Variants in C17orf78 observed in about 807,000 individuals in gnomAD.
C17orf78 encodes chromosome 17 open reading frame 78.
C17orf78 carries 27 observed loss-of-function variants against 31.8 expected under a neutral mutation model. That is an observed-to-expected ratio of 0.85 (90% CI 0.63 to 1.17). The LOEUF is 1.17. Among genes scored for constraint, C17orf78 ranks in the 50% most tolerant of loss-of-function variants. C17orf78 has a pLI of 0.00. For missense variants in C17orf78, 258 were observed against 315.2 expected, an observed-to-expected ratio of 0.82 and a Z score of 1.37; for synonymous variants, 106 against 115.1, an observed-to-expected ratio of 0.92 and a Z score of 0.51.
At chr17:37,378,067 A>G in intron 2 of C17orf78, 102 bp downstream of exon 2, 1 of 1,100,860 alleles carries the variant, frequency 9.1e-7, no homozygotes, top group Non-Finnish European at 1.3e-6. Flanking sequence ...TATCTCAAAT[A>G]TCCTATTTTA....
In C17orf78 at chr17:37,391,958, C is replaced by T. The variant is rs2050903266; in HGVS notation, c.*234C>T. ...ACATCCATCTAAATGGATACCTTTCCATCCCCTCAAACGAGAACAAAAAGT... is the reference window on the plus strand; with the variant it reads ...ACATCCATCTAAATGGATACCTTTCTATCCCCTCAAACGAGAACAAAAAGT... On this transcript the variant is annotated 3_prime_UTR_variant, in exon 7 of 7. Coordinates refer to ENST00000615133, the MANE Select transcript of C17orf78 (RefSeq NM_173625.5). 1.8e-6 allele frequency: 1 copy of T among 541,430 alleles called. No homozygotes were observed. The highest frequency in any genetic ancestry group is 2.9e-5 in the East Asian group (1 of 34,960). The allele number at this position is 541,430 out of a possible 1,614,324, so 33.5% of individuals were successfully genotyped here.
Position 37,386,825 on chromosome 17 carries a change from C to CT in C17orf78, c.508+713dup, listed in dbSNP as rs112796389. 5.3e-3 allele frequency: 770 copies of CT among 144,598 alleles called. 6 individuals carry two copies. The highest frequency in any genetic ancestry group is 0.014 in the African/African-American group (574 of 39,758). 9.0% of individuals were successfully genotyped at this position (144,598 alleles called of 1,614,324 possible). The stretch of plus-strand genomic sequence containing the variant: ...ACACCAACCAAGTGCTTTTCTTTTT[C>CT]TTTTTTTTTTTTTGAGACAGGGTCT... On this transcript the variant is annotated intron_variant, in intron 4 of 6. Coordinates refer to ENST00000615133, the MANE Select transcript of C17orf78 (RefSeq NM_173625.5).
chr17:37,386,280 A>C (rs2050525687), intron 4 of C17orf78, among the ~76,000 whole-genome samples, 155 bp downstream of exon 4: 1 of 152,118 alleles, frequency 6.6e-6, no homozygotes, highest in Non-Finnish European at 1.5e-5. Context: ...AAATCATTCA[A>C]TTTTTTATTT....
At position 37,376,073 on chromosome 17, in the gene C17orf78, G is replaced by C; in HGVS notation, c.-20G>C. The C allele has an allele frequency of 6.2e-7, 1 of 1,605,150 alleles. No individual in the cohort carries two copies. The highest frequency in any genetic ancestry group is 8.5e-7 in the Non-Finnish European group (1 of 1,171,960). ...AGATGAGCAGTGGTCTGTCTGCAATGAGCATGTGCTCAAGCTAACATGGAT... is the reference window on the plus strand; with the variant it reads ...AGATGAGCAGTGGTCTGTCTGCAATCAGCATGTGCTCAAGCTAACATGGAT... On this transcript the variant is annotated 5_prime_UTR_variant, in exon 1 of 7. An upstream start codon of the reference 5' UTR is lost. Coordinates refer to ENST00000615133, the MANE Select transcript of C17orf78 (RefSeq NM_173625.5).
At position 37,379,314 on chromosome 17, in the gene C17orf78, C is replaced by G. The variant is rs1317211074; in HGVS notation, c.323C>G (p.Ser108Cys). The G allele has an allele frequency of 6.2e-7, 1 of 1,613,974 alleles. No homozygotes were observed. The highest frequency in any genetic ancestry group is 8.5e-7 in the Non-Finnish European group (1 of 1,179,854). ...RIIAAPRRNS[S>C]ASSSCHLIPT... ...ATTGCTGCTCCCCGCAGAAACAGCT[C>G]TGCCTCCTCAAGCTGTCACCTAATC... The change falls in exon 3 of 7, where the codon TCT (serine) becomes TGT (cysteine). Residue 108 changes from serine (S) to cysteine (C), a missense_variant. Physicochemically the swap from Ser to Cys is moderately radical, Grantham distance 112. Transcript: ENST00000615133.
Position 37,391,868 on chromosome 17 carries a change from T to C in C17orf78, c.*144T>C, listed in dbSNP as rs2050899259. On this transcript the variant is annotated 3_prime_UTR_variant, in exon 7 of 7. Coordinates refer to ENST00000615133, the MANE Select transcript of C17orf78 (RefSeq NM_173625.5). The stretch of plus-strand genomic sequence containing the variant: ...CAATTCCTGGTTAATGAAGGGAGAG[T>C]GTGGGCTTAGCAGAGTTACCCTCAT... 3.8e-6 allele frequency: 3 copies of C among 780,656 alleles called. No homozygotes were observed. Among genetic ancestry groups the C allele is most frequent in the South Asian group, 1.6e-5 (1 of 62,332 alleles). 48.4% of individuals were successfully genotyped at this position (780,656 alleles called of 1,614,324 possible).
chr17:37,384,741 C>T (rs1255854561), intron 3 of C17orf78, among the ~76,000 whole-genome samples: 1 of 152,168 alleles, frequency 6.6e-6, no homozygotes, highest in Non-Finnish European at 1.5e-5. Flanking sequence ...CTGCCAATGT[C>T]TGCCAACACT....
chr17:37,376,083 T>G lies in C17orf78; in HGVS notation c.-10T>G, dbSNP rs1568072398. The G allele has an allele frequency of 3.7e-6, 6 of 1,610,348 alleles. No homozygotes were observed. Among genetic ancestry groups the G allele is most frequent in the Non-Finnish European group, 5.1e-6 (6 of 1,176,602 alleles). The stretch of plus-strand genomic sequence containing the variant: ...TGGTCTGTCTGCAATGAGCATGTGC[T>G]CAAGCTAACATGGATACCATCTTGG... On this transcript the variant is annotated 5_prime_UTR_variant, in exon 1 of 7. Coordinates refer to ENST00000615133, the MANE Select transcript of C17orf78 (RefSeq NM_173625.5).
Position 37,391,836 on chromosome 17 carries a change from C to A in C17orf78, c.*112C>A. 2 of 972,054 alleles carry A rather than the reference C, an allele frequency of 2.1e-6. No homozygotes were observed. The highest frequency in any genetic ancestry group is 3.2e-6 in the Non-Finnish European group (2 of 618,302). 60.2% of individuals were successfully genotyped at this position (972,054 alleles called of 1,614,324 possible). The stretch of plus-strand genomic sequence containing the variant: ...GTATCTTCAGCAGGGACATTACAAT[C>A]AAACACCAATTCCTGGTTAATGAAG... On this transcript the variant is annotated 3_prime_UTR_variant, in exon 7 of 7. Transcript: ENST00000615133.
At chr17:37,378,089 C>A in intron 2 of C17orf78, 124 bp downstream of exon 2, 1 of 865,140 alleles carries the variant, frequency 1.2e-6, no homozygotes, top group Non-Finnish European at 1.8e-6. Flanking sequence ...GGATATGTAT[C>A]CTCCCAGGGG....
At chr17:37,391,600 T>C (rs2050888631) in intron 6 of C17orf78, 47 bp from the exon 7 acceptor site, 2 of 1,551,682 alleles carry the variant, frequency 1.3e-6, no homozygotes, top group Non-Finnish European at 1.8e-6. Flanking sequence ...TGAAGAACTA[T>C]ACACTTGCAT....
At chr17:37,385,788 T>C (rs1487304630) in intron 3 of C17orf78, among the ~76,000 whole-genome samples, 2 of 152,160 alleles carry the variant, frequency 1.3e-5, no homozygotes, top group Non-Finnish European at 2.9e-5. Context: ...CCTATGTTAG[T>C]TAAAAGTCCC....
rs1201042342 is a variant in C17orf78 at position 37,392,656 on chromosome 17, C to A, written c.*932C>A. 6 of 151,370 alleles carry A rather than the reference C, an allele frequency of 4.0e-5. No individual in the cohort carries two copies. Among genetic ancestry groups the A allele is most frequent in the African/African-American group, 1.5e-4 (6 of 41,010 alleles). The allele number at this position is 151,370 out of a possible 1,614,324, so 9.4% of individuals were successfully genotyped here. On this transcript the variant is annotated 3_prime_UTR_variant, in exon 7 of 7. Coordinates refer to ENST00000615133, the MANE Select transcript of C17orf78 (RefSeq NM_173625.5). ...TCTAAGAAATTCTGTTTTCTTAGTT[C>A]TCTGGTTAAAAAAAAAAATACATAA...
intron 1 of C17orf78, among the ~76,000 whole-genome samples, chr17:37,377,663 A>AATC (rs2050062909): frequency 3.0e-5 from 1 of 32,904 alleles, no homozygotes; most frequent in African/African-American, 1.6e-4. Flanking sequence ...CCGTCTCAAT[A>AATC]AATAAATAAA....
Position 37,386,048 on chromosome 17 carries a change from C to T in C17orf78, c.431C>T (p.Ala144Val). 1.9e-6 allele frequency: 3 copies of T among 1,605,112 alleles called. No homozygotes were observed. The highest frequency in any genetic ancestry group is 1.1e-5 in the South Asian group (1 of 90,012). ...ATCTCACAATGTAAAGTCCTGGGGG[C>T]TTCATCAGAGACTTTTCCCACCACT... Reference protein sequence around the residue: ...PGISQCKVLGASSETFPTTAP... With the variant: ...PGISQCKVLGVSSETFPTTAP... The change falls in exon 4 of 7, where the codon GCT becomes GTT. Residue 144 changes from alanine to valine, a missense_variant. By Grantham distance (64) the Ala-to-Val change is moderately conservative. Coordinates refer to ENST00000615133, the MANE Select transcript of C17orf78 (RefSeq NM_173625.5).
chr17:37,388,980 T>A (rs770354299), intron 5 of C17orf78, among the ~76,000 whole-genome samples, 186 bp downstream of exon 5: 20 of 152,174 alleles, frequency 1.3e-4, no homozygotes, highest in Non-Finnish European at 2.5e-4. Flanking sequence ...GCCTCATGTG[T>A]AAAATAAGTC....
intron 3 of C17orf78, 113 bp downstream of exon 3, chr17:37,379,495 G>A (rs956864789): frequency 1.6e-5 from 22 of 1,337,184 alleles, no homozygotes; most frequent in Non-Finnish European, 2.1e-5. Context: ...TCCACTTTTT[G>A]ATGGGGTTGT....
intron 6 of C17orf78, among the ~76,000 whole-genome samples, chr17:37,389,967 A>C (rs1277399530): frequency 6.7e-6 from 1 of 148,912 alleles, no homozygotes; most frequent in African/African-American, 2.5e-5. Context: ...CAGATCATTT[A>C]GATTGGAGTC....
chr17:37,387,113 G>C (rs1714988), intron 4 of C17orf78: 1 of 151,874 alleles, frequency 6.6e-6, no homozygotes, highest in African/African-American at 2.4e-5. Context: ...CACCACGCCC[G>C]TCCCCAAGAG....
Sources: gnomAD v4.1 joint callset for allele counts (sites outside exome capture counted in the v4.1 genomes callset) on GRCh38, gnomAD v4.1.1 for gene constraint, MANE v1.5 for transcripts, NCBI Gene and HGNC (gene_info 2026-07-23, HGNC 2026-07-21) for gene names.